LIMK2: variants seen among roughly 807,000 people sequenced by gnomAD.
The protein encoded by LIMK2 is LIM domain kinase 2.
LIMK2 carries 35 observed loss-of-function variants against 75.7 expected under a neutral mutation model. The observed-to-expected ratio is 0.46, with a 90% CI of 0.35 to 0.61. The LOEUF (loss-of-function observed/expected upper bound fraction) is 0.61, where lower values mean the gene tolerates loss of function less well. Among genes scored for constraint, LIMK2 ranks in the 20% least tolerant of loss-of-function variants. The pLI is 0.00. For missense variants in LIMK2, 623 were observed against 831.0 expected (o/e 0.75, Z 3.08); for synonymous variants, 301 against 319.2 (o/e 0.94, Z 0.61).
intron 2 of LIMK2, among the ~76,000 whole-genome samples, chr22:31,241,186 G>A (rs534385548): frequency 6.6e-6 from 1 of 152,152 alleles, no homozygotes; most frequent in Admixed American, 6.5e-5. Context: ...CTGACCAGAG[G>A]GTCCAATGCT....
chr22:31,234,710 A>C (rs1601409415), intron 2 of LIMK2, among the ~76,000 whole-genome samples: 1 of 124,694 alleles, frequency 8.0e-6, no homozygotes. Flanking sequence ...ACAGAGTAAG[A>C]CTCCATCTCA....
At position 31,235,254 on chromosome 22, in the gene LIMK2, GCCCTTCCCCTTC is replaced by G. The variant is rs538733680; in HGVS notation, c.116+9445_116+9456del. On this transcript the variant is annotated intron_variant, in intron 2 of 15. Coordinates refer to ENST00000331728, the MANE Select transcript of LIMK2 (RefSeq NM_005569.4). ...TATGATGTAAGTCAGGCTTTTCCCT[GCCCTTCCCCTTC>G]CCCTTCCCCACATCCTTCCTATAGC... Among the ~76,000 whole-genome samples the G allele has an allele frequency of 4.0e-3, 610 of 152,198 alleles. 4 individuals carry two copies. The highest frequency in any genetic ancestry group is 0.013 in the South Asian group (65 of 4,818).
chr22:31,215,122 AGACAGGCCCAGAAAT>A (rs1416233171), intron 1 of LIMK2, among the ~76,000 whole-genome samples: 3 of 152,188 alleles, frequency 2.0e-5, no homozygotes, highest in Non-Finnish European at 2.9e-5. Context: ...ATAGATGAGG[AGACAGGCCCAGAAAT>A]GACAAGGTTC....
intron 2 of LIMK2, among the ~76,000 whole-genome samples, chr22:31,254,536 C>T (rs1410648124): frequency 1.3e-5 from 2 of 152,204 alleles, no homozygotes; most frequent in Non-Finnish European, 2.9e-5. Flanking sequence ...AGGGAGCTAA[C>T]AGTCTAGTGA....
At chr22:31,229,176 C>G (rs916640917) in intron 2 of LIMK2, among the ~76,000 whole-genome samples, 3 of 152,178 alleles carry the variant, frequency 2.0e-5, no homozygotes, top group Non-Finnish European at 4.4e-5. Context: ...GTTCTGTCTC[C>G]TAGTTGCAGC....
At chr22:31,229,538 G>A (rs1419986389) in intron 2 of LIMK2, among the ~76,000 whole-genome samples, 1 of 152,114 alleles carries the variant, frequency 6.6e-6, no homozygotes, top group Non-Finnish European at 1.5e-5. Context: ...CTGCTGGGAG[G>A]AGGACTCTCC....
intron 2 of LIMK2, among the ~76,000 whole-genome samples, chr22:31,241,748 A>G (rs1296696730): frequency 6.6e-6 from 1 of 152,216 alleles, no homozygotes; most frequent in Non-Finnish European, 1.5e-5. Flanking sequence ...CAGGACCCCC[A>G]TGATGAGCAA....
In LIMK2 at chr22:31,259,299, G is replaced by A; in HGVS notation, c.362+69G>A. 3 of 942,626 alleles carry A rather than the reference G, an allele frequency of 3.2e-6. No individual in the cohort carries two copies. The South Asian group carries it at 4.1e-5, about 13-fold the overall frequency. The allele number at this position is 942,626 out of a possible 1,614,324, so 58.4% of individuals were successfully genotyped here. ...GCTGGCGGGGAGGGACAGTGGCAGGGTGAGTTGGGCAGAAGGAGTGTTAGG... is the reference window on the plus strand; with the variant it reads ...GCTGGCGGGGAGGGACAGTGGCAGGATGAGTTGGGCAGAAGGAGTGTTAGG... On this transcript the variant is annotated intron_variant, in intron 4 of 15. Transcript: ENST00000331728.
At chr22:31,213,442 T>C (rs1405178178) in intron 1 of LIMK2, among the ~76,000 whole-genome samples, 1 of 152,192 alleles carries the variant, frequency 6.6e-6, no homozygotes, top group African/African-American at 2.4e-5. Context: ...GGGGGCTGGC[T>C]ATCTGCCCCC....
chr22:31,230,738 C>G (rs1022052573), intron 2 of LIMK2, among the ~76,000 whole-genome samples: 5 of 152,140 alleles, frequency 3.3e-5, no homozygotes, highest in African/African-American at 1.2e-4. Flanking sequence ...TTTAGTGACT[C>G]CAGGAAGGCC....
At chr22:31,230,056 C>CTTTTTTTTTTT (rs33933239) in intron 2 of LIMK2, 3 of 120,830 alleles carry the variant, frequency 2.5e-5, no homozygotes, top group Non-Finnish European at 5.2e-5. Context: ...TTCTTTCTTT[C>CTTTTTTTTTTT]TTTTTTTTTT....
intron 2 of LIMK2, among the ~76,000 whole-genome samples, chr22:31,242,402 A>G (rs2048630237): frequency 6.6e-6 from 1 of 152,102 alleles, no homozygotes. Flanking sequence ...CTCCATTTTT[A>G]TTTCATGAAT....
At chr22:31,263,230 C>G (rs1470107140) in intron 7 of LIMK2, among the ~76,000 whole-genome samples, 1 of 152,200 alleles carries the variant, frequency 6.6e-6, no homozygotes, top group Non-Finnish European at 1.5e-5. Flanking sequence ...ACCCCAGATT[C>G]TGCCAGGTCC....
chr22:31,223,893 T>C (rs2048457259), intron 1 of LIMK2, among the ~76,000 whole-genome samples: 1 of 152,244 alleles, frequency 6.6e-6, no homozygotes, highest in African/African-American at 2.4e-5. Flanking sequence ...TCTTGCCAGC[T>C]TGTTTAACTC....
chr22:31,278,382 G>A lies in LIMK2; in HGVS notation c.1858G>A (p.Glu620Lys). The A allele has an allele frequency of 1.2e-6, 2 of 1,613,962 alleles. No individual in the cohort carries two copies. The highest frequency in any genetic ancestry group is 1.7e-6 in the Non-Finnish European group (2 of 1,179,952). Residue 620 changes from glutamate to lysine, a missense_variant, in exon 16 of 16, where the codon GAG becomes AAG. Transcript: ENST00000331728. ...GGGCATCCCGCTGCCTGCAGAGCTG[G>A]AGGAGTTGGACCACACTGTGAGCAT... ...ELGIPLPAEL[E>K]ELDHTVSMQY...
intron 10 of LIMK2, 77 bp from the exon 11 acceptor site, chr22:31,268,067 C>A: frequency 1.3e-6 from 2 of 1,525,896 alleles, no homozygotes; most frequent in Middle Eastern, 1.7e-4. Context: ...CACTGGGAGA[C>A]CACATTGACC....
chr22:31,244,135 A>G (rs543281417), intron 2 of LIMK2, among the ~76,000 whole-genome samples: 13 of 152,194 alleles, frequency 8.5e-5, no homozygotes, highest in African/African-American at 2.9e-4. Context: ...GGGAGAGGAG[A>G]GCGCCTGCAG....
chr22:31,246,758 CA>C (rs11317931), intron 2 of LIMK2, among the ~76,000 whole-genome samples: 78,537 of 112,652 alleles, frequency 0.7, 24,736 homozygotes, highest in African/African-American at 0.81. Flanking sequence ...GACCCTGACT[CA>C]AAAAAAAAAA....
chr22:31,248,839 T>C, intron 2 of LIMK2: 7 of 1,500,676 alleles, frequency 4.7e-6, no homozygotes, highest in Non-Finnish European at 6.5e-6. Context: ...GTGGTCTCCC[T>C]AAATCTCCTT....
Sources: allele counts gnomAD v4.1 joint callset (sites outside exome capture counted in the v4.1 genomes callset), GRCh38; gene constraint gnomAD v4.1.1; transcripts MANE v1.5; gene names NCBI Gene and HGNC (gene_info 2026-07-23, HGNC 2026-07-21).